RBFOX1: variants seen among roughly 807,000 people sequenced by gnomAD.
RBFOX1 encodes RNA binding fox-1 homolog 1, also known as RNA binding protein fox-1 homolog 1.
RBFOX1 carries 8 observed loss-of-function variants against 57.7 expected under a neutral mutation model. That is an observed-to-expected ratio of 0.14 (90% confidence interval 0.08 to 0.25). The LOEUF is 0.25. RBFOX1 is among the 10% of genes least tolerant of loss of function. RBFOX1 has a pLI of 1.00. For missense variants in RBFOX1, 611 were observed against 548.5 expected (o/e 1.11, Z -1.14); for synonymous variants, 326 against 222.4 (o/e 1.47, Z -4.15).
intron 3 of RBFOX1, among the ~76,000 whole-genome samples, chr16:6,873,727 C>T (rs185129027): frequency 3.3e-5 from 5 of 152,202 alleles, no homozygotes; most frequent in East Asian, 3.9e-4. Context: ...CTCTCATTGT[C>T]GTCATCACCA....
chr16:7,674,749 T>A (rs1051116460), intron 13 of RBFOX1, among the ~76,000 whole-genome samples: 6 of 152,206 alleles, frequency 3.9e-5, no homozygotes, highest in Admixed American at 2.6e-4. Context: ...CTGCATTTGA[T>A]GTTTCTACTA....
intron 4 of RBFOX1, among the ~76,000 whole-genome samples, chr16:7,371,818 C>G (rs758100067): frequency 5.3e-5 from 8 of 152,290 alleles, no homozygotes; most frequent in South Asian, 4.1e-4. Flanking sequence ...GTTGTTTTCA[C>G]ATACTGACAA....
At chr16:7,102,501 G>A (rs974607561) in intron 4 of RBFOX1, among the ~76,000 whole-genome samples, 1 of 152,164 alleles carries the variant, frequency 6.6e-6, no homozygotes, top group Admixed American at 6.6e-5. Flanking sequence ...GACCAAAGTA[G>A]ATCTTATTAC....
chr16:7,601,164 T>A (rs902903205), intron 9 of RBFOX1, among the ~76,000 whole-genome samples: 6 of 152,180 alleles, frequency 3.9e-5, no homozygotes, highest in African/African-American at 7.2e-5. Flanking sequence ...TATTCAGCGC[T>A]CCAGAGAGAG....
intron 2 of RBFOX1, among the ~76,000 whole-genome samples, chr16:6,444,411 CCGTGGGAGGGAATT>C (rs1301471583): frequency 2.6e-5 from 4 of 152,178 alleles, no homozygotes; most frequent in East Asian, 3.9e-4. Flanking sequence ...GGGAGGGAAC[CCGTGGGAGGGAATT>C]GAATCATGGG....
intron 3 of RBFOX1, among the ~76,000 whole-genome samples, chr16:5,829,910 G>T (rs1234383191): frequency 1.3e-5 from 2 of 152,132 alleles, no homozygotes; most frequent in East Asian, 1.9e-4. Flanking sequence ...CCCCTTAGGT[G>T]ACTTACTGGC....
intron 4 of RBFOX1, among the ~76,000 whole-genome samples, chr16:7,151,644 G>A (rs1367433919): frequency 6.6e-6 from 1 of 152,068 alleles, no homozygotes; most frequent in Non-Finnish European, 1.5e-5. Flanking sequence ...CATTTATTGT[G>A]CACTTTATTT....
chr16:6,315,712 A>C (rs1383703116), intron 1 of RBFOX1, among the ~76,000 whole-genome samples: 2 of 152,184 alleles, frequency 1.3e-5, no homozygotes, highest in Admixed American at 6.5e-5. Flanking sequence ...AAGGCTATTG[A>C]AGGGTGAATA....
chr16:6,486,782 A>G (rs1310010552), intron 2 of RBFOX1, among the ~76,000 whole-genome samples: 2 of 150,846 alleles, frequency 1.3e-5, no homozygotes, highest in South Asian at 2.1e-4. Flanking sequence ...GTTTTCTTTC[A>G]TTTTCATGCA....
chr16:6,495,459 C>G (rs933347472), intron 2 of RBFOX1, among the ~76,000 whole-genome samples: 1 of 151,942 alleles, frequency 6.6e-6, no homozygotes, highest in Non-Finnish European at 1.5e-5. Flanking sequence ...GATGTCCCCA[C>G]TTTCGTAGAT....
At chr16:6,171,004 G>C (rs1177703379) in intron 1 of RBFOX1, among the ~76,000 whole-genome samples, 2 of 152,126 alleles carry the variant, frequency 1.3e-5, no homozygotes, top group African/African-American at 4.8e-5. Flanking sequence ...TGGGCATTTA[G>C]GTTGATGCCA....
intron 3 of RBFOX1, among the ~76,000 whole-genome samples, chr16:6,890,337 G>A (rs543655953): frequency 6.6e-6 from 1 of 152,238 alleles, no homozygotes; most frequent in African/African-American, 2.4e-5. Flanking sequence ...TGGCCTACAA[G>A]GTGAAACCCC....
intron 3 of RBFOX1, among the ~76,000 whole-genome samples, chr16:6,972,858 T>A (rs1004937909): frequency 1.3e-5 from 2 of 152,200 alleles, no homozygotes; most frequent in Admixed American, 6.5e-5. Context: ...ATGCAGTGGT[T>A]CATGCCTGTT....
At chr16:6,782,793 C>T (rs1003085032) in intron 3 of RBFOX1, among the ~76,000 whole-genome samples, 1 of 152,112 alleles carries the variant, frequency 6.6e-6, no homozygotes, top group African/African-American at 2.4e-5. Flanking sequence ...AATTTTCTTT[C>T]TAGGTTTTTT....
chr16:6,456,343 C>G (rs746748389), intron 2 of RBFOX1, among the ~76,000 whole-genome samples: 5 of 152,136 alleles, frequency 3.3e-5, no homozygotes, highest in Non-Finnish European at 5.9e-5. Context: ...GTGTCTCACC[C>G]TGTCTTCCAG....
At chr16:6,573,126 C>A (rs544101451) in intron 2 of RBFOX1, among the ~76,000 whole-genome samples, 1 of 152,232 alleles carries the variant, frequency 6.6e-6, no homozygotes, top group East Asian at 1.9e-4. Context: ...CAGATTTTTG[C>A]ACCTTTTGTA....
chr16:5,415,741 A>G (rs1055526910), intron 1 of RBFOX1, among the ~76,000 whole-genome samples: 2 of 152,346 alleles, frequency 1.3e-5, no homozygotes, highest in South Asian at 2.1e-4. Flanking sequence ...AGGTGATTAT[A>G]TTTAAAGAGA....
chr16:6,808,328 A>G (rs529227680), intron 3 of RBFOX1, among the ~76,000 whole-genome samples: 6 of 151,952 alleles, frequency 3.9e-5, no homozygotes. Flanking sequence ...ACTGATTCCC[A>G]TCTGATTATG....
intron 3 of RBFOX1, among the ~76,000 whole-genome samples, chr16:5,806,892 C>T (rs1403728439): frequency 2.6e-5 from 4 of 152,180 alleles, no homozygotes; most frequent in South Asian, 2.1e-4. Flanking sequence ...TCTTTCTAAA[C>T]CTCTCAGAGC....
Sources: gnomAD v4.1 joint callset for allele counts (sites outside exome capture counted in the v4.1 genomes callset) on GRCh38, gnomAD v4.1.1 for gene constraint, MANE v1.5 for transcripts, NCBI Gene and HGNC (gene_info 2026-07-23, HGNC 2026-07-21) for gene names.